The following TMEM117 variants were observed in gnomAD, a reference collection of about 807,000 sequenced individuals.
The protein encoded by TMEM117 is transmembrane protein 117.
Under a neutral mutation model 52.4 loss-of-function variants are expected in TMEM117, and 27 were observed. That is an observed-to-expected ratio of 0.51 (90% CI 0.38 to 0.71). The LOEUF is 0.71. TMEM117 is among the 30% of genes least tolerant of loss of function. The pLI, the probability that TMEM117 is intolerant of heterozygous loss-of-function variation, is 0.00. For synonymous variants in TMEM117, 215 were observed against 206.3 expected (o/e 1.04, Z -0.36); for missense variants, 556 against 630.5 (o/e 0.88, Z 1.26).
chr12:44,284,375 C>T (rs562376290), intron 5 of TMEM117, among the ~76,000 whole-genome samples: 109 of 152,278 alleles, frequency 7.2e-4, no homozygotes, highest in African/African-American at 2.3e-3. Context: ...TCCCCAGCCA[C>T]GTGGAACTGT....
intron 5 of TMEM117, among the ~76,000 whole-genome samples, chr12:44,287,816 T>C (rs1950655847): frequency 6.6e-6 from 1 of 152,238 alleles, no homozygotes; most frequent in South Asian, 2.1e-4. Flanking sequence ...ATATGTGTTA[T>C]AAGTTTGGTT....
intron 7 of TMEM117, among the ~76,000 whole-genome samples, chr12:44,385,199 AG>A (rs1952072545): frequency 6.6e-6 from 1 of 152,192 alleles, no homozygotes; most frequent in Admixed American, 6.5e-5. Flanking sequence ...TTTACAAACC[AG>A]TAAAGATGTG....
intron 3 of TMEM117, among the ~76,000 whole-genome samples, chr12:44,099,075 A>G (rs929115023): frequency 2.6e-5 from 4 of 151,850 alleles, no homozygotes; most frequent in Non-Finnish European, 5.9e-5. Flanking sequence ...GTCTGCTGTT[A>G]TTATTTGATT....
intron 6 of TMEM117, among the ~76,000 whole-genome samples, chr12:44,342,714 G>C (rs929317912): frequency 1.3e-5 from 2 of 149,964 alleles, no homozygotes; most frequent in Non-Finnish European, 3.0e-5. Context: ...CTAAATTATT[G>C]TCTTATTATC....
At chr12:44,003,677 T>C (rs919832459) in intron 3 of TMEM117, among the ~76,000 whole-genome samples, 5 of 152,200 alleles carry the variant, frequency 3.3e-5, no homozygotes, top group African/African-American at 1.2e-4. Context: ...TATGCTGTCT[T>C]TCTCTTGTGT....
intron 4 of TMEM117, among the ~76,000 whole-genome samples, chr12:44,173,614 T>C (rs893432129): frequency 1.3e-5 from 2 of 151,720 alleles, no homozygotes; most frequent in African/African-American, 4.9e-5. Context: ...CTAGAACCTT[T>C]CTTATTATCA....
At chr12:44,274,057 G>GA (rs1348535549) in intron 5 of TMEM117, among the ~76,000 whole-genome samples, 4 of 151,986 alleles carry the variant, frequency 2.6e-5, no homozygotes, top group African/African-American at 9.7e-5. Context: ...CTTATATTTT[G>GA]AAAAACCTAA....
At chr12:44,379,941 T>G (rs1388970649) in intron 7 of TMEM117, among the ~76,000 whole-genome samples, 1 of 152,180 alleles carries the variant, frequency 6.6e-6, no homozygotes, top group Non-Finnish European at 1.5e-5. Context: ...CCTGGAGAAC[T>G]TATTTAAAAG....
At chr12:44,052,235 T>C (rs1280573547) in intron 3 of TMEM117, among the ~76,000 whole-genome samples, 1 of 152,190 alleles carries the variant, frequency 6.6e-6, no homozygotes. Flanking sequence ...GTTCGCCCTT[T>C]CCCACCTTCT....
intron 5 of TMEM117, among the ~76,000 whole-genome samples, chr12:44,288,079 T>C (rs1644010): frequency 6.6e-6 from 1 of 152,054 alleles, no homozygotes; most frequent in Non-Finnish European, 1.5e-5. Context: ...TTTAAAAGTA[T>C]TGGTTTTGGC....
Position 44,224,698 on chromosome 12 carries a change from G to A in TMEM117, c.608+13311G>A, listed in dbSNP as rs899117861. Among the ~76,000 whole-genome samples, 7 of 152,090 alleles carry A rather than the reference G, an allele frequency of 4.6e-5. No homozygotes were observed. In the East Asian group the frequency reaches 5.8e-4, roughly 13 times the overall value. Reference sequence around the variant, plus strand: ...GCCATGTAAGTGTGGTCCCCCAATCGCTTGATCTGTAAAGCAGGTTTTGCT... The same window carrying A: ...GCCATGTAAGTGTGGTCCCCCAATCACTTGATCTGTAAAGCAGGTTTTGCT... On this transcript the variant is annotated intron_variant, in intron 5 of 7. Transcript: ENST00000266534.
At chr12:44,026,324 T>G (rs1209764174) in intron 3 of TMEM117, among the ~76,000 whole-genome samples, 1 of 152,178 alleles carries the variant, frequency 6.6e-6, no homozygotes, top group African/African-American at 2.4e-5. Context: ...TTTCTGTCTT[T>G]CCTTGTAAAT....
At chr12:43,809,417 T>C in the TMEM117 span, among the ~76,000 whole-genome samples, 1 of 152,250 alleles carries the variant, frequency 6.6e-6, no homozygotes, top group South Asian at 2.1e-4. Context: ...TCTCTTGTTA[T>C]ATGTCATACC....
At chr12:44,283,101 G>A (rs150113652) in intron 5 of TMEM117, among the ~76,000 whole-genome samples, 60 of 152,376 alleles carry the variant, frequency 3.9e-4, no homozygotes, top group Admixed American at 1.1e-3. Flanking sequence ...GATTTCAGAA[G>A]ATGTATGGAA....
At chr12:44,263,842 T>C (rs1950348200) in intron 5 of TMEM117, 1 of 152,216 alleles carries the variant, frequency 6.6e-6, no homozygotes, top group Non-Finnish European at 1.5e-5. Context: ...ATATAAAATA[T>C]ACAGTCTCTT....
At chr12:44,062,369 T>G (rs1947153376) in intron 3 of TMEM117, among the ~76,000 whole-genome samples, 1 of 152,178 alleles carries the variant, frequency 6.6e-6, no homozygotes, top group African/African-American at 2.4e-5. Context: ...CCAGTTTTCT[T>G]AAAAGAGACA....
chr12:44,062,826 TAAGACAAGA>T (rs1373026036), intron 3 of TMEM117, among the ~76,000 whole-genome samples: 1 of 152,228 alleles, frequency 6.6e-6, no homozygotes, highest in Non-Finnish European at 1.5e-5. Flanking sequence ...TGATAAGTGC[TAAGACAAGA>T]AACTGCAAGT....
intron 6 of TMEM117, among the ~76,000 whole-genome samples, chr12:44,330,359 G>T (rs1030228353): frequency 6.6e-6 from 1 of 151,868 alleles, no homozygotes; most frequent in African/African-American, 2.4e-5. Flanking sequence ...ATGCTCTAAG[G>T]CAGCTCTGTC....
chr12:43,969,747 G>T (rs181349591), intron 3 of TMEM117, among the ~76,000 whole-genome samples: 125 of 152,006 alleles, frequency 8.2e-4, no homozygotes, highest in African/African-American at 2.8e-3. Flanking sequence ...GTCACCTAGG[G>T]ACTCTGTCAA....
Sources: allele counts gnomAD v4.1 joint callset (sites outside exome capture counted in the v4.1 genomes callset), GRCh38; gene constraint gnomAD v4.1.1; transcripts MANE v1.5; gene names NCBI Gene and HGNC (gene_info 2026-07-23, HGNC 2026-07-21).